Variants in DTNB observed in about 807,000 individuals in gnomAD.
DTNB encodes DTN-B.
In DTNB, 63 loss-of-function variants were observed where a neutral mutation model predicts 90.7. The observed-to-expected ratio is 0.69, with a 90% confidence interval of 0.57 to 0.86. The LOEUF (loss-of-function observed/expected upper bound fraction) is 0.86. Ranked by LOEUF, DTNB falls within the 40% of genes least tolerant of loss-of-function variation. DTNB has a pLI of 0.00. For missense variants in DTNB, 744 were observed against 807.1 expected (o/e 0.92, Z 0.95); for synonymous variants, 277 against 286.7 (o/e 0.97, Z 0.34).
At chr2:25,626,334 T>A (rs2074149057) in intron 4 of DTNB, among the ~76,000 whole-genome samples, 3 of 152,172 alleles carry the variant, frequency 2.0e-5, no homozygotes, top group Non-Finnish European at 2.9e-5. Flanking sequence ...AGAATAACAA[T>A]TTTTACTAAG....
intron 8 of DTNB, among the ~76,000 whole-genome samples, chr2:25,550,615 T>G (rs1416826744): frequency 1.3e-5 from 2 of 152,198 alleles, no homozygotes; most frequent in Non-Finnish European, 2.9e-5. Flanking sequence ...AATTCTAGAA[T>G]ATTTTCAGAT....
chr2:25,396,731 T>TAAAAAAAAAAAAAAAAAAA (rs35592591), intron 16 of DTNB, among the ~76,000 whole-genome samples: 4 of 87,626 alleles, frequency 4.6e-5, no homozygotes, highest in Admixed American at 1.3e-4. Flanking sequence ...TAAAAGGAAC[T>TAAAAAAAAAAAAAAAAAAA]AAAAAAAAAA....
intron 12 of DTNB, among the ~76,000 whole-genome samples, chr2:25,440,184 T>G (rs1236902808): frequency 1.3e-5 from 2 of 152,202 alleles, no homozygotes; most frequent in Non-Finnish European, 2.9e-5. Context: ...CGGCTTCCTG[T>G]GGAAAACACA....
chr2:25,396,503 ACTGT>A (rs2042393414), intron 16 of DTNB, among the ~76,000 whole-genome samples: 1 of 150,592 alleles, frequency 6.6e-6, no homozygotes, highest in Non-Finnish European at 1.5e-5. Context: ...AGAGCAAGAC[ACTGT>A]CTCAGGAGGA....
intron 8 of DTNB, among the ~76,000 whole-genome samples, chr2:25,560,412 G>A (rs2058079113): frequency 6.6e-6 from 1 of 152,208 alleles, no homozygotes; most frequent in Admixed American, 6.5e-5. Context: ...TAGTGTGGAT[G>A]ACCCTCACCC....
chr2:25,516,201 G>A (rs1022222546), intron 9 of DTNB, among the ~76,000 whole-genome samples: 7 of 152,116 alleles, frequency 4.6e-5, no homozygotes, highest in Non-Finnish European at 7.4e-5. Flanking sequence ...TGGAGAGACT[G>A]GAACTCTTAA....
At chr2:25,563,338 T>C (rs1027369418) in intron 8 of DTNB, among the ~76,000 whole-genome samples, 4 of 152,220 alleles carry the variant, frequency 2.6e-5, no homozygotes, top group African/African-American at 9.6e-5. Context: ...AAGAGTTCTT[T>C]ATAATTCTGG....
chr2:25,640,329 T>C (rs1299768119), intron 2 of DTNB, among the ~76,000 whole-genome samples: 1 of 152,136 alleles, frequency 6.6e-6, no homozygotes, highest in African/African-American at 2.4e-5. Flanking sequence ...CTGGCACAAA[T>C]TATCTTGTAT....
chr2:25,440,267 A>G (rs563374144), intron 12 of DTNB, among the ~76,000 whole-genome samples: 163 of 152,356 alleles, frequency 1.1e-3, no homozygotes, highest in African/African-American at 3.7e-3. Context: ...ATCTAATTAA[A>G]TAACAAATAA....
At chr2:25,616,937 AAAAAAAAAAAAAAAAGG>A (rs1256095191) in intron 4 of DTNB, among the ~76,000 whole-genome samples, 13 of 70,276 alleles carry the variant, frequency 1.8e-4, no homozygotes, top group Non-Finnish European at 4.0e-4. Flanking sequence ...GTCTCAAAAA[AAAAAAAAAAAAAAAAGG>A]AAAAAAAAGA....
At chr2:25,483,015 A>T in intron 9 of DTNB, 142 bp from the exon 10 acceptor site, 47 of 616,966 alleles carry the variant, frequency 7.6e-5, no homozygotes, top group East Asian at 2.8e-4. Context: ...GGGGGGACCC[A>T]TGGGGAAGGG....
At chr2:25,583,998 G>C (rs951728984) in intron 6 of DTNB, among the ~76,000 whole-genome samples, 16 of 152,148 alleles carry the variant, frequency 1.1e-4, no homozygotes, top group African/African-American at 3.9e-4. Context: ...CAAGCACTCT[G>C]TCTTCCACCA....
At chr2:25,610,452 A>G (rs2068293647) in intron 4 of DTNB, among the ~76,000 whole-genome samples, 1 of 152,248 alleles carries the variant, frequency 6.6e-6, no homozygotes, top group Non-Finnish European at 1.5e-5. Flanking sequence ...TCTAACCATG[A>G]TCAACGATTA....
chr2:25,627,356 G>A (rs960432777), intron 4 of DTNB, among the ~76,000 whole-genome samples: 6 of 151,762 alleles, frequency 4.0e-5, no homozygotes, highest in African/African-American at 1.5e-4. Context: ...AGGTAGTGGT[G>A]AGCCGAGCTT....
chr2:25,407,860 G>A (rs1416031869), intron 16 of DTNB, among the ~76,000 whole-genome samples: 2 of 152,142 alleles, frequency 1.3e-5, no homozygotes, highest in African/African-American at 4.8e-5. Flanking sequence ...CAAAATGTCA[G>A]AATTCACCAC....
intron 6 of DTNB, among the ~76,000 whole-genome samples, chr2:25,595,475 G>A (rs560935874): frequency 2.6e-5 from 4 of 151,994 alleles, no homozygotes; most frequent in Non-Finnish European, 4.4e-5. Flanking sequence ...ACAAATGGAC[G>A]CTGCAGCCAG....
At chr2:25,628,425 G>A in intron 3 of DTNB, 41 bp from the exon 4 acceptor site, 1 of 1,565,300 alleles carries the variant, frequency 6.4e-7, no homozygotes, top group Non-Finnish European at 8.7e-7. Flanking sequence ...ATTTTAAAGT[G>A]TGGTACTACC....
At chr2:25,650,335 G>T in intron 2 of DTNB, 2 of 669,322 alleles carry the variant, frequency 3.0e-6, no homozygotes, top group Non-Finnish European at 3.7e-6. Context: ...CCAGAATAGT[G>T]CCTGGAGCAT....
intron 5 of DTNB, among the ~76,000 whole-genome samples, chr2:25,606,484 G>C (rs534552105): frequency 6.6e-6 from 1 of 152,056 alleles, no homozygotes; most frequent in Admixed American, 6.6e-5. Context: ...TTAACTCATC[G>C]ATAAAATGAA....
Sources: gnomAD v4.1 joint callset for allele counts (sites outside exome capture counted in the v4.1 genomes callset) on GRCh38, gnomAD v4.1.1 for gene constraint, MANE v1.5 for transcripts, NCBI Gene and HGNC (gene_info 2026-07-23, HGNC 2026-07-21) for gene names.